The following TSPAN3 variants were observed in gnomAD, a reference collection of about 807,000 sequenced individuals.
The protein encoded by TSPAN3 is tetraspanin-3.
A neutral mutation model predicts 31.1 loss-of-function variants in TSPAN3; 9 were observed. The ratio of observed to expected loss-of-function variants is 0.29; its 90% CI spans 0.17 to 0.50. TSPAN3 has a LOEUF of 0.50. Among genes scored for constraint, TSPAN3 ranks in the 20% least tolerant of loss-of-function variants. The pLI is 0.98. For synonymous variants in TSPAN3, 129 were observed against 114.3 expected (o/e 1.13, Z -0.82); for missense variants, 252 against 313.5 (o/e 0.80, Z 1.48).
intron 1 of TSPAN3, chr15:77,064,906 T>C (rs757076495): frequency 2.6e-5 from 4 of 152,258 alleles, no homozygotes; most frequent in Non-Finnish European, 4.4e-5. Flanking sequence ...CCACCTCGAA[T>C]GTGTAGGATG....
Position 77,066,571 on chromosome 15 carries a change from C to CAAAAAAAAAA in TSPAN3, c.63+4311_63+4320dup, listed in dbSNP as rs35737479. Reference sequence around the variant, plus strand: ...TGGGCGACAGAGTAAGACTTCGTCTCAAAAAAAAAAAAAAAAAAAAAAAAA... The same window carrying CAAAAAAAAAA: ...TGGGCGACAGAGTAAGACTTCGTCTCAAAAAAAAAAAAAAAAAAAAAAAAAAAAAAAAAAA... On this transcript the variant is annotated intron_variant, in intron 1 of 6. Coordinates refer to ENST00000267970, the MANE Select transcript of TSPAN3 (RefSeq NM_005724.6). Among the ~76,000 whole-genome samples, 53 of 59,376 alleles carry CAAAAAAAAAA rather than the reference C, an allele frequency of 8.9e-4. 4 individuals are homozygous for CAAAAAAAAAA. The highest frequency in any genetic ancestry group is 2.5e-3 in the African/African-American group (34 of 13,372). The allele number at this position is 59,376 out of a possible 152,430, so 39.0% of individuals were successfully genotyped here.
chr15:77,051,994 G>A (rs936837815), intron 6 of TSPAN3, among the ~76,000 whole-genome samples: 1 of 152,162 alleles, frequency 6.6e-6, no homozygotes, highest in Non-Finnish European at 1.5e-5. Context: ...CAAAAAAACT[G>A]AATAAAGCTT....
intron 1 of TSPAN3, 105 bp from the exon 2 acceptor site, chr15:77,056,360 G>T: frequency 2.3e-6 from 2 of 863,254 alleles, no homozygotes; most frequent in Non-Finnish European, 3.3e-6. Flanking sequence ...AACTGTTATA[G>T]ACTTTTTTCA....
In TSPAN3 at chr15:77,070,959, C is replaced by T; in HGVS notation, c.-5G>A. ...GGTGATGCCGCACTGGCCCATGGCGCCGGTGGCCCGCGAAGGCCCGGCCCG... is the reference window on the plus strand; with the variant it reads ...GGTGATGCCGCACTGGCCCATGGCGTCGGTGGCCCGCGAAGGCCCGGCCCG... On this transcript the variant is annotated 5_prime_UTR_variant, in exon 1 of 7. Transcript: ENST00000267970. 2 of 1,431,700 alleles carry T rather than the reference C, an allele frequency of 1.4e-6. No homozygotes were observed. Among genetic ancestry groups the T allele is most frequent in the Non-Finnish European group, 9.2e-7 (1 of 1,085,532 alleles). 88.7% of individuals were successfully genotyped at this position (1,431,700 alleles called of 1,614,324 possible).
At chr15:77,047,275 G>A (rs894576795) in intron 6 of TSPAN3, among the ~76,000 whole-genome samples, 9 of 152,188 alleles carry the variant, frequency 5.9e-5, no homozygotes, top group Non-Finnish European at 5.9e-5. Flanking sequence ...TGTGACTACT[G>A]AGCACCTGAA....
chr15:77,059,734 G>C (rs2076789613), intron 1 of TSPAN3, among the ~76,000 whole-genome samples: 1 of 152,084 alleles, frequency 6.6e-6, no homozygotes, highest in African/African-American at 2.4e-5. Flanking sequence ...ACTAGCTTTA[G>C]CCTATGTAAA....
rs928359337 is a variant in TSPAN3, at chr15:77,046,180, C to T, written c.*655G>A. The T allele has an allele frequency of 2.1e-5, 8 of 379,304 alleles. No individual in the cohort carries two copies. The highest frequency in any genetic ancestry group is 1.2e-4 in the African/African-American group (6 of 48,238). 23.5% of individuals were successfully genotyped at this position (379,304 alleles called of 1,614,324 possible). ...GCTCATTCATACAAAAACACACTCA[C>T]ACTAATTCTTTTAAAACAGTAGTGC... is the stretch of plus-strand genomic sequence containing the variant. On this transcript the variant is annotated 3_prime_UTR_variant, in exon 7 of 7. Transcript: ENST00000267970.
intron 1 of TSPAN3, among the ~76,000 whole-genome samples, chr15:77,068,578 G>T (rs1404596802): frequency 6.6e-6 from 1 of 152,112 alleles, no homozygotes; most frequent in Non-Finnish European, 1.5e-5. Context: ...AAATTCACAA[G>T]GAACTGTAAA....
chr15:77,050,809 A>T (rs1413699612), intron 6 of TSPAN3, among the ~76,000 whole-genome samples: 1 of 152,232 alleles, frequency 6.6e-6, no homozygotes, highest in East Asian at 1.9e-4. Context: ...TGCTATGCAG[A>T]GCTACAGAGT....
intron 2 of TSPAN3, 79 bp from the exon 3 acceptor site, chr15:77,055,942 CAG>C: frequency 2.0e-6 from 3 of 1,525,244 alleles, no homozygotes; most frequent in Non-Finnish European, 2.7e-6. Flanking sequence ...AAAAAGTTAT[CAG>C]AGATAATTGC....
At chr15:77,061,733 T>G (rs1170735323) in intron 1 of TSPAN3, among the ~76,000 whole-genome samples, 1 of 152,118 alleles carries the variant, frequency 6.6e-6, no homozygotes, top group African/African-American at 2.4e-5. Flanking sequence ...ACAGGACATT[T>G]TGGGCGAAGC....
intron 6 of TSPAN3, among the ~76,000 whole-genome samples, chr15:77,049,611 T>A (rs1388229533): frequency 2.6e-5 from 4 of 152,210 alleles, no homozygotes; most frequent in South Asian, 2.1e-4. Context: ...TACATCAAAA[T>A]TTTTAAAACC....
intron 1 of TSPAN3, among the ~76,000 whole-genome samples, chr15:77,066,728 C>T (rs762481472): frequency 4.6e-5 from 7 of 151,956 alleles, no homozygotes; most frequent in Non-Finnish European, 8.8e-5. Context: ...CAAGATGATC[C>T]AAGCTGTACA....
At chr15:77,064,303 A>G (rs991873651) in intron 1 of TSPAN3, 1 of 152,224 alleles carries the variant, frequency 6.6e-6, no homozygotes, top group Non-Finnish European at 1.5e-5. Context: ...CTGTCAGACT[A>G]CAGGGACTGT....
intron 6 of TSPAN3, among the ~76,000 whole-genome samples, chr15:77,049,884 T>A (rs1052016729): frequency 2.6e-5 from 4 of 152,228 alleles, no homozygotes; most frequent in Non-Finnish European, 4.4e-5. Flanking sequence ...AACTGTCAGG[T>A]TTCCTGACAA....
chr15:77,070,586 G>C (rs567197491), intron 1 of TSPAN3, among the ~76,000 whole-genome samples: 2 of 151,632 alleles, frequency 1.3e-5, no homozygotes, highest in South Asian at 2.1e-4. Flanking sequence ...CGACTCCGGG[G>C]GGGGGAGACT....
chr15:77,062,778 G>T (rs1450666220), intron 1 of TSPAN3, among the ~76,000 whole-genome samples: 1 of 152,170 alleles, frequency 6.6e-6, no homozygotes, highest in Non-Finnish European at 1.5e-5. Flanking sequence ...TGAAATTGTG[G>T]CTGCAAAAAT....
At chr15:77,060,807 G>A (rs1478226163) in intron 1 of TSPAN3, among the ~76,000 whole-genome samples, 1 of 152,086 alleles carries the variant, frequency 6.6e-6, no homozygotes, top group African/African-American at 2.4e-5. Context: ...CCTGTAAGGA[G>A]GATTTGTGCC....
intron 1 of TSPAN3, among the ~76,000 whole-genome samples, chr15:77,060,243 A>G (rs2076792949): frequency 6.6e-6 from 1 of 152,258 alleles, no homozygotes; most frequent in South Asian, 2.1e-4. Flanking sequence ...GAAACTATAC[A>G]CATCAAATTG....
Sources: allele counts gnomAD v4.1 joint callset (sites outside exome capture counted in the v4.1 genomes callset), GRCh38; gene constraint gnomAD v4.1.1; transcripts MANE v1.5; gene names NCBI Gene and HGNC (gene_info 2026-07-23, HGNC 2026-07-21).